NPAS3: variants seen among roughly 807,000 people sequenced by gnomAD.
NPAS3 encodes the protein neuronal PAS domain-containing protein 3.
NPAS3 carries 14 observed loss-of-function variants against 73.1 expected under a neutral mutation model. The ratio of observed to expected loss-of-function variants is 0.19; its 90% CI spans 0.13 to 0.30. NPAS3 has a LOEUF of 0.30. NPAS3 is among the 10% of genes least tolerant of loss of function. NPAS3 has a pLI of 1.00. For synonymous variants in NPAS3, 620 were observed against 541.5 expected (o/e 1.14, Z -2.01); for missense variants, 1,096 against 1,250.0 (o/e 0.88, Z 1.86).
chr14:33,193,198 GTT>G (rs33973640), intron 2 of NPAS3, among the ~76,000 whole-genome samples: 53,734 of 142,012 alleles, frequency 0.38, 10,314 homozygotes, highest in East Asian at 0.51. Flanking sequence ...AAGTGTCTTA[GTT>G]TTTTTTTTTT....
intron 6 of NPAS3, among the ~76,000 whole-genome samples, chr14:33,687,036 AT>A (rs1366969252): frequency 1.3e-5 from 2 of 152,318 alleles, no homozygotes; most frequent in Admixed American, 1.3e-4. Flanking sequence ...GAGAAGAAAC[AT>A]TTTTGGGAGG....
chr14:33,095,133 T>C (rs750895339), intron 2 of NPAS3, among the ~76,000 whole-genome samples: 2 of 152,218 alleles, frequency 1.3e-5, no homozygotes, highest in African/African-American at 4.8e-5. Flanking sequence ...ATTGCTAGTC[T>C]GACTTTACAG....
chr14:33,684,758 G>A (rs1197448862), intron 6 of NPAS3, among the ~76,000 whole-genome samples: 1 of 152,192 alleles, frequency 6.6e-6, no homozygotes, highest in African/African-American at 2.4e-5. Context: ...GTGTACACTT[G>A]GACTCTGCTC....
chr14:33,298,994 A>G (rs1480670237), intron 3 of NPAS3, among the ~76,000 whole-genome samples: 1 of 152,174 alleles, frequency 6.6e-6, no homozygotes, highest in African/African-American at 2.4e-5. Flanking sequence ...ATTAATACAC[A>G]ATTTAAAGTT....
intron 7 of NPAS3, among the ~76,000 whole-genome samples, chr14:33,736,425 A>C (rs1418707025): frequency 6.6e-6 from 1 of 152,160 alleles, no homozygotes; most frequent in Non-Finnish European, 1.5e-5. Context: ...GAGCCTCCTT[A>C]ACCTTTAGCA....
chr14:33,448,949 T>C (rs927327), intron 4 of NPAS3, among the ~76,000 whole-genome samples: 87,673 of 152,026 alleles, frequency 0.58, 26,987 homozygotes, highest in East Asian at 0.71. Context: ...AACCCTGATA[T>C]GTCTGTGGCC....
In NPAS3 at chr14:33,728,040, C is replaced by T. The variant is rs80284001; in HGVS notation, c.734-7174C>T. The stretch of plus-strand genomic sequence containing the variant: ...GCTTAGTAGTTGTGTATAGAAACAC[C>T]CACTGGTAGCAGCTTGACTCTGACA... On this transcript the variant is annotated intron_variant, in intron 6 of 11. Transcript: ENST00000356141. 9.1e-3 allele frequency among the ~76,000 whole-genome samples: 1,389 copies of T among 152,252 alleles called. 7 individuals are homozygous for T. Among genetic ancestry groups the T allele is most frequent in the Non-Finnish European group, 0.016 (1,091 of 68,008 alleles).
intron 3 of NPAS3, among the ~76,000 whole-genome samples, chr14:33,300,467 C>G (rs945118485): frequency 3.3e-5 from 5 of 152,198 alleles, no homozygotes; most frequent in African/African-American, 4.8e-5. Flanking sequence ...AAATCATCAG[C>G]CCAACCTCTG....
chr14:33,643,235 G>T (rs900162701), intron 5 of NPAS3, among the ~76,000 whole-genome samples: 2 of 152,022 alleles, frequency 1.3e-5, no homozygotes, highest in Non-Finnish European at 1.5e-5. Context: ...CTGCTATAAA[G>T]TTGCACTGTA....
rs185972893 is a variant in NPAS3, at chr14:33,700,571, A to G, written c.733+24186A>G. Among the ~76,000 whole-genome samples the G allele has an allele frequency of 4.6e-5, 7 of 152,278 alleles. No homozygotes were observed. The East Asian group carries it at 1.4e-3, about 29-fold the overall frequency. On this transcript the variant is annotated intron_variant, in intron 6 of 11. Coordinates refer to ENST00000356141, the Ensembl canonical transcript of NPAS3. ...TTACCTGCCTAAATTAAAAAGTTAT[A>G]ATTCAGTCTGTCTACAGGAAGAAGT...
At chr14:33,117,932 C>G (rs1322743653) in intron 2 of NPAS3, among the ~76,000 whole-genome samples, 1 of 152,044 alleles carries the variant, frequency 6.6e-6, no homozygotes, top group Admixed American at 6.6e-5. Context: ...AATTTATTCT[C>G]TCACTACAAT....
chr14:33,684,639 T>C (rs552842157), intron 6 of NPAS3, among the ~76,000 whole-genome samples: 17 of 152,318 alleles, frequency 1.1e-4, no homozygotes, highest in Non-Finnish European at 1.9e-4. Context: ...ACCACAGTGA[T>C]CAGTAAGTAA....
At chr14:33,587,858 A>C (rs2056919892) in intron 5 of NPAS3, among the ~76,000 whole-genome samples, 1 of 152,210 alleles carries the variant, frequency 6.6e-6, no homozygotes, top group South Asian at 2.1e-4. Flanking sequence ...CTATGTCTGC[A>C]CCAGTTACGT....
chr14:33,018,423 T>C (rs529042412), intron 1 of NPAS3, among the ~76,000 whole-genome samples: 23 of 152,188 alleles, frequency 1.5e-4, no homozygotes, highest in African/African-American at 5.5e-4. Context: ...CTCCAAGTCA[T>C]GGCAGAGGCA....
chr14:33,330,497 G>T (rs778929931), intron 3 of NPAS3, among the ~76,000 whole-genome samples: 14 of 152,052 alleles, frequency 9.2e-5, no homozygotes, highest in Non-Finnish European at 1.6e-4. Flanking sequence ...ACACTTGGGA[G>T]GCCATATTAA....
chr14:33,721,137 CT>C (rs1187081827), intron 6 of NPAS3, among the ~76,000 whole-genome samples: 1 of 152,090 alleles, frequency 6.6e-6, no homozygotes, highest in East Asian at 1.9e-4. Flanking sequence ...AGAGAATACT[CT>C]TTTTTAAAGT....
chr14:33,176,618 T>C (rs1307425270), intron 2 of NPAS3, among the ~76,000 whole-genome samples: 1 of 152,242 alleles, frequency 6.6e-6, no homozygotes, highest in Non-Finnish European at 1.5e-5. Flanking sequence ...TCTATTTATC[T>C]GTTGATGGAC....
At chr14:33,385,279 G>C (rs534072869) in intron 4 of NPAS3, among the ~76,000 whole-genome samples, 1 of 152,072 alleles carries the variant, frequency 6.6e-6, no homozygotes, top group African/African-American at 2.4e-5. Context: ...AGCTGTTCTC[G>C]TGCTGTGGAG....
intron 5 of NPAS3, among the ~76,000 whole-genome samples, chr14:33,635,189 CA>C (rs1200591047): frequency 6.6e-6 from 1 of 152,124 alleles, no homozygotes; most frequent in Non-Finnish European, 1.5e-5. Flanking sequence ...AAAGAATGGT[CA>C]GTAATTTTGA....
Sources: gnomAD v4.1 joint callset for allele counts (sites outside exome capture counted in the v4.1 genomes callset) on GRCh38, gnomAD v4.1.1 for gene constraint, MANE v1.5 for transcripts, NCBI Gene and HGNC (gene_info 2026-07-23, HGNC 2026-07-21) for gene names.